RP2: variants seen among roughly 807,000 people sequenced by gnomAD.
RP2 encodes protein XRP2.
Under a neutral mutation model 20.3 loss-of-function variants are expected in RP2, and 3 were observed. That is an observed-to-expected ratio of 0.15 (90% CI 0.07 to 0.38). The LOEUF is 0.38. Ranked by LOEUF, RP2 falls within the 10% of genes least tolerant of loss-of-function variation. The pLI, the probability that RP2 is intolerant of heterozygous loss-of-function variation, is 1.00. For synonymous variants in RP2, 75 were observed against 94.8 expected (o/e 0.79, Z 1.22); for missense variants, 233 against 268.5 (o/e 0.87, Z 0.92).
intron 1 of RP2, among the ~76,000 whole-genome samples, chrX:46,846,823 C>A (rs1924722863): frequency 9.0e-6 from 1 of 110,540 alleles, no homozygotes; most frequent in African/African-American, 3.3e-5. Context: ...GCCTGGGCTC[C>A]AGCAATCTTC....
chrX:46,858,589 G>C (rs1353595709), intron 2 of RP2, among the ~76,000 whole-genome samples: 1 of 109,700 alleles, frequency 9.1e-6, no homozygotes, highest in Non-Finnish European at 1.9e-5. Context: ...TCCCACCTCA[G>C]CCTCCTGAGT....
chrX:46,853,495 T>C lies in RP2; in HGVS notation c.122T>C (p.Met41Thr), dbSNP rs782356034. 2.5e-6 allele frequency: 3 copies of C among 1,210,142 alleles called. No individual in the cohort carries two copies. In the South Asian group the frequency reaches 5.3e-5, roughly 21 times the overall value. Residue 41 changes from methionine (M) to threonine (T), a missense_variant, in exon 2 of 5, where the codon ATG (methionine) becomes ACG (threonine). By Grantham distance (81) the Met-to-Thr change is moderately conservative (BLOSUM62 -1). Transcript: ENST00000218340. ...CTGCAGGTTGATCCAAAAGACTACA[T>C]GTTCAGTGGACTGAAGGATGAAACA... Reference protein sequence around the residue: ...QREKVDPKDYMFSGLKDETVG... With the variant: ...QREKVDPKDYTFSGLKDETVG...
intron 3 of RP2, among the ~76,000 whole-genome samples, chrX:46,861,613 A>G (rs1556320117): frequency 9.0e-6 from 1 of 111,314 alleles, no homozygotes; most frequent in Non-Finnish European, 1.9e-5. Flanking sequence ...GGGAGGGTGA[A>G]GTGGAAGGAT....
At chrX:46,837,270 G>A in intron 1 of RP2, 68 bp downstream of exon 1, 1 of 1,029,311 alleles carries the variant, frequency 9.7e-7, no homozygotes, top group South Asian at 2.0e-5. Flanking sequence ...TTACGGCCCG[G>A]GACCGCTGAG....
chrX:46,856,908 T>TTA (rs1314182737), intron 2 of RP2, among the ~76,000 whole-genome samples: 1 of 111,824 alleles, frequency 8.9e-6, no homozygotes, highest in African/African-American at 3.3e-5. Flanking sequence ...GACTTATATA[T>TTA]TATATTGAGA....
chrX:46,844,501 C>T (rs1924681109), intron 1 of RP2, among the ~76,000 whole-genome samples: 1 of 111,260 alleles, frequency 9.0e-6, no homozygotes, highest in South Asian at 3.8e-4. Flanking sequence ...CTACAAAGGA[C>T]ATGAACTCAT....
intron 3 of RP2, among the ~76,000 whole-genome samples, chrX:46,874,726 T>C (rs1925345039): frequency 8.9e-6 from 1 of 112,111 alleles, no homozygotes; most frequent in African/African-American, 3.2e-5. Flanking sequence ...TCCTCTAATA[T>C]TCAGTCTATA....
At position 46,847,891 on chromosome X, in the gene RP2, C is replaced by T. The variant is rs782021991; in HGVS notation, c.103-5585C>T. Among the ~76,000 whole-genome samples the T allele has an allele frequency of 1.2e-4, 10 of 82,089 alleles. No individual in the cohort carries two copies. The South Asian group carries it at 1.8e-3, about 15-fold the overall frequency. The allele number at this position is 82,089 out of a possible 115,157, so 71.3% of individuals were successfully genotyped here. A position where few individuals can be genotyped will look rare whatever the true frequency, so the allele number is the denominator to read the frequency against. ...GTATATATATACACGCATATATATG[C>T]GTATATACATATATATGGACTCATA... On this transcript the variant is annotated intron_variant, in intron 1 of 4. Transcript: ENST00000218340.
chrX:46,851,609 C>T (rs1310120877), intron 1 of RP2, among the ~76,000 whole-genome samples: 1 of 105,690 alleles, frequency 9.5e-6, no homozygotes, highest in Non-Finnish European at 1.9e-5. Flanking sequence ...GCACTCCAGC[C>T]TGGGTGACAA....
At chrX:46,877,370 A>G in intron 3 of RP2, 135 bp from the exon 4 acceptor site, 1 of 506,702 alleles carries the variant, frequency 2.0e-6, no homozygotes, top group East Asian at 3.7e-5. Context: ...GATATGTCCC[A>G]TCTGTCTGCT....
chrX:46,840,471 T>C (rs1042346103), intron 1 of RP2, among the ~76,000 whole-genome samples: 5 of 112,728 alleles, frequency 4.4e-5, no homozygotes, highest in African/African-American at 1.6e-4. Context: ...CTACTGACTT[T>C]GAAAAAGAAA....
chrX:46,847,744 A>ATGTGTGTGTGTATATACACACATG (rs1406696496), intron 1 of RP2, among the ~76,000 whole-genome samples: 4 of 81,526 alleles, frequency 4.9e-5, no homozygotes, highest in Non-Finnish European at 7.1e-5. Flanking sequence ...ATACACACAT[A>ATGTGTGTGTGTATATACACACATG]TGTGTGTGTG....
intron 1 of RP2, among the ~76,000 whole-genome samples, chrX:46,839,789 A>G (rs1924584132): frequency 9.0e-6 from 1 of 111,642 alleles, no homozygotes; most frequent in African/African-American, 3.3e-5. Flanking sequence ...TTATATTAAA[A>G]GTTTAGGCTT....
rs1925447713 is a variant in RP2 at position 46,880,199 on chromosome X, T to C, written c.*430T>C. The C allele has an allele frequency of 8.8e-6, 1 of 113,645 alleles. No homozygotes were observed. The highest frequency in any genetic ancestry group is 3.2e-5 in the African/African-American group (1 of 30,944). 9.4% of individuals were successfully genotyped at this position (113,645 alleles called of 1,213,427 possible). ...TCAATTTAGAGGGATTTGTTACTAG[T>C]CGATCAATTAGAATGAACCTATGCA... On this transcript the variant is annotated 3_prime_UTR_variant, in exon 5 of 5. Coordinates refer to ENST00000218340, the MANE Select transcript of RP2 (RefSeq NM_006915.3).
intron 3 of RP2, among the ~76,000 whole-genome samples, chrX:46,875,001 T>TA (rs1556327483): frequency 8.9e-6 from 1 of 111,849 alleles, no homozygotes; most frequent in Non-Finnish European, 1.9e-5. Flanking sequence ...ATCAAAGCCT[T>TA]GTTTACGTTC....
In RP2 at chrX:46,862,145, G is replaced by A. The variant is rs184712542; in HGVS notation, c.883+2043G>A. On this transcript the variant is annotated intron_variant, in intron 3 of 4. Coordinates refer to ENST00000218340, the MANE Select transcript of RP2 (RefSeq NM_006915.3). ...TCCCAACACTTTGGGAGGCTGAGGC[G>A]GGTAGATCACGAGGTCAGGAGTTCA... is the stretch of plus-strand genomic sequence containing the variant. 5.9e-3 allele frequency among the ~76,000 whole-genome samples: 662 copies of A among 111,633 alleles called. 5 individuals carry two copies. The highest frequency in any genetic ancestry group is 0.019 in the African/African-American group (576 of 30,746).
In RP2 at chrX:46,881,595, C is replaced by T. The variant is rs1392266967; in HGVS notation, c.*1826C>T. 9.1e-6 allele frequency: 1 copy of T among 110,214 alleles called. No homozygotes were observed. The highest frequency in any genetic ancestry group is 1.9e-5 in the Non-Finnish European group (1 of 52,889). The allele number at this position is 110,214 out of a possible 1,213,427, so 9.1% of individuals were successfully genotyped here. ...GTTCAAGCGATTCTCCTGCCTCAGC[C>T]TCCTGAGTAGCTGGGAATACAGGCA... is the stretch of plus-strand genomic sequence containing the variant. On this transcript the variant is annotated 3_prime_UTR_variant, in exon 5 of 5. Coordinates refer to ENST00000218340, the MANE Select transcript of RP2 (RefSeq NM_006915.3).
chrX:46,878,149 C>T (rs1020918984), intron 4 of RP2, among the ~76,000 whole-genome samples: 27 of 109,244 alleles, frequency 2.5e-4, no homozygotes, highest in African/African-American at 8.6e-4. Context: ...CCGAGGTGGG[C>T]GGATCACGAG....
intron 3 of RP2, among the ~76,000 whole-genome samples, chrX:46,864,327 TTTCC>T (rs781930937): frequency 5.6e-5 from 6 of 107,558 alleles, no homozygotes; most frequent in Non-Finnish European, 1.2e-4. Context: ...ATAAACAAAT[TTTCC>T]TTCCTTCCTT....
Sources: allele counts gnomAD v4.1 joint callset (sites outside exome capture counted in the v4.1 genomes callset), GRCh38; gene constraint gnomAD v4.1.1; transcripts MANE v1.5; gene names NCBI Gene and HGNC (gene_info 2026-07-23, HGNC 2026-07-21).